The following IMMP2L variants were observed in gnomAD, a reference collection of about 807,000 sequenced individuals.
IMMP2L encodes the protein mitochondrial inner membrane protease subunit 2.
IMMP2L carries 18 observed loss-of-function variants against 19.3 expected under a neutral mutation model. That is an observed-to-expected ratio of 0.93 (90% CI 0.64 to 1.38). IMMP2L has a LOEUF of 1.38. Among genes scored for constraint, IMMP2L ranks in the 40% most tolerant of loss-of-function variants. IMMP2L has a pLI of 0.00. For synonymous variants in IMMP2L, 76 were observed against 73.0 expected (o/e 1.04, Z -0.21); for missense variants, 233 against 218.2 (o/e 1.07, Z -0.43).
intron 3 of IMMP2L, among the ~76,000 whole-genome samples, chr7:111,451,158 C>G (rs1839121692): frequency 6.9e-6 from 1 of 145,482 alleles, no homozygotes; most frequent in Non-Finnish European, 1.5e-5. Context: ...GTGGCGATTT[C>G]TCAGGGATCT....
chr7:111,013,880 T>G lies in IMMP2L; in HGVS notation c.240-50315A>C, dbSNP rs1282746524. Among the ~76,000 whole-genome samples, 3 of 152,150 alleles carry G rather than the reference T, an allele frequency of 2.0e-5. No individual in the cohort carries two copies. The East Asian group carries it at 5.8e-4, about 29-fold the overall frequency. ...GGTTTACCACCTCATATAGCTTTCA[T>G]CTTACCAAGAAAATTCTTTGAAAGA... On this transcript the variant is annotated intron_variant, in intron 3 of 5. Coordinates refer to ENST00000405709, the MANE Select transcript of IMMP2L (RefSeq NM_032549.4).
At chr7:110,703,445 T>G (rs1794427950) in intron 5 of IMMP2L, among the ~76,000 whole-genome samples, 1 of 152,198 alleles carries the variant, frequency 6.6e-6, no homozygotes, top group South Asian at 2.1e-4. Context: ...ATTCTTGGCT[T>G]ATCAAATGAG....
intron 3 of IMMP2L, among the ~76,000 whole-genome samples, chr7:111,217,004 A>G (rs1304056010): frequency 1.3e-5 from 2 of 151,818 alleles, no homozygotes; most frequent in South Asian, 2.1e-4. Context: ...GCACATTTTA[A>G]TTTTCCCTTT....
chr7:111,467,057 A>G (rs1023770349), intron 3 of IMMP2L, among the ~76,000 whole-genome samples: 2 of 152,166 alleles, frequency 1.3e-5, no homozygotes, highest in Non-Finnish European at 2.9e-5. Flanking sequence ...AAAGTTCATA[A>G]GTAAAAAACC....
chr7:111,023,889 G>A (rs1040310201), intron 3 of IMMP2L, among the ~76,000 whole-genome samples: 2 of 152,136 alleles, frequency 1.3e-5, no homozygotes, highest in African/African-American at 4.8e-5. Flanking sequence ...TTCAAGAGGT[G>A]AAATAACTTC....
At chr7:111,534,293 C>G (rs1194579741) in intron 1 of IMMP2L, among the ~76,000 whole-genome samples, 1 of 151,988 alleles carries the variant, frequency 6.6e-6, no homozygotes, top group Non-Finnish European at 1.5e-5. Flanking sequence ...TAAATTATGA[C>G]ATGCATACAG....
intron 3 of IMMP2L, among the ~76,000 whole-genome samples, chr7:111,363,966 T>C (rs773245756): frequency 3.6e-4 from 55 of 151,964 alleles, no homozygotes; most frequent in Non-Finnish European, 7.4e-4. Flanking sequence ...TTCGATTCAG[T>C]AATCTTCTTT....
chr7:111,063,730 G>A (rs988522582), intron 3 of IMMP2L, among the ~76,000 whole-genome samples: 2 of 152,120 alleles, frequency 1.3e-5, no homozygotes, highest in Non-Finnish European at 2.9e-5. Flanking sequence ...CTCTAGGGCA[G>A]GGCAAAATGC....
intron 3 of IMMP2L, among the ~76,000 whole-genome samples, chr7:111,481,507 T>C (rs1367086811): frequency 6.6e-6 from 1 of 152,146 alleles, no homozygotes; most frequent in Non-Finnish European, 1.5e-5. Flanking sequence ...CTGGTTTTTC[T>C]TAATAAGAAT....
chr7:111,139,259 C>T (rs1050907357), intron 3 of IMMP2L, among the ~76,000 whole-genome samples: 4 of 151,812 alleles, frequency 2.6e-5, no homozygotes, highest in Admixed American at 6.6e-5. Flanking sequence ...GGCACTATTA[C>T]CCAGAAGCAA....
rs747913931 is a variant in IMMP2L, at chr7:111,123,895, G to C, written c.240-160330C>G. 1.2e-6 allele frequency: 2 copies of C among 1,613,880 alleles called. No individual in the cohort carries two copies. The highest frequency in any genetic ancestry group is 1.3e-5 in the African/African-American group (1 of 74,916). On this transcript the variant is annotated intron_variant, in intron 3 of 5. Transcript: ENST00000405709. This position sits in a 1 kb window ranked among gnomAD's most constrained non-coding sequence, Gnocchi z 6.4. Reference sequence around the variant, plus strand: ...CAGTAACCCCATCAGGTGTGACTGTGTCATCCGTTGGATGAACATGAACAA... The same window carrying C: ...CAGTAACCCCATCAGGTGTGACTGTCTCATCCGTTGGATGAACATGAACAA...
chr7:111,448,471 C>G (rs879400160), intron 3 of IMMP2L, among the ~76,000 whole-genome samples: 1 of 147,792 alleles, frequency 6.8e-6, no homozygotes. Context: ...GGGTACATAA[C>G]GAAATGAAGG....
intron 3 of IMMP2L, among the ~76,000 whole-genome samples, chr7:111,468,837 A>T (rs1840934915): frequency 6.6e-6 from 1 of 152,128 alleles, no homozygotes; most frequent in Admixed American, 6.6e-5. Flanking sequence ...AAAAACCTAG[A>T]AGTTAAAGAT....
At chr7:110,858,394 T>G (rs905175135) in intron 5 of IMMP2L, among the ~76,000 whole-genome samples, 3 of 151,888 alleles carry the variant, frequency 2.0e-5, no homozygotes, top group Admixed American at 1.3e-4. Context: ...CAACACTAAT[T>G]TAATCAAACT....
At chr7:110,776,192 A>C (rs1260479117) in intron 5 of IMMP2L, among the ~76,000 whole-genome samples, 1 of 151,120 alleles carries the variant, frequency 6.6e-6, no homozygotes. Flanking sequence ...AGTTAGCATC[A>C]GAAGATCATA....
At chr7:111,156,929 G>A (rs1367249153) in intron 3 of IMMP2L, among the ~76,000 whole-genome samples, 1 of 151,884 alleles carries the variant, frequency 6.6e-6, no homozygotes, top group Non-Finnish European at 1.5e-5. Context: ...TGTCAGTGAT[G>A]AGAAGACGTG....
intron 3 of IMMP2L, among the ~76,000 whole-genome samples, chr7:111,339,656 A>G (rs1826815157): frequency 6.6e-6 from 1 of 152,004 alleles, no homozygotes. Context: ...GATAAAAACT[A>G]TTCAGTACAA....
At chr7:111,343,250 A>G (rs1486823875) in intron 3 of IMMP2L, among the ~76,000 whole-genome samples, 22 of 152,006 alleles carry the variant, frequency 1.4e-4, no homozygotes, top group Admixed American at 1.4e-3. Flanking sequence ...CTACCACAAC[A>G]TTATATCTAA....
At chr7:111,182,804 A>T (rs2129611339) in intron 3 of IMMP2L, among the ~76,000 whole-genome samples, 1 of 152,082 alleles carries the variant, frequency 6.6e-6, no homozygotes, top group Admixed American at 6.6e-5. Context: ...CGCAAAAGAA[A>T]ACAAGAGAAC....
Sources: gnomAD v4.1 joint callset for allele counts (sites outside exome capture counted in the v4.1 genomes callset) on GRCh38, gnomAD v4.1.1 for gene constraint, Gnocchi (gnomAD v3.1) non-coding constraint, MANE v1.5 for transcripts, NCBI Gene and HGNC (gene_info 2026-07-23, HGNC 2026-07-21) for gene names.